The following IGFL2 variants were observed in gnomAD, a reference collection of about 807,000 sequenced individuals.
IGFL2 encodes the protein insulin growth factor-like family member 2.
Under a neutral mutation model 13.9 loss-of-function variants are expected in IGFL2, and 7 were observed. The observed-to-expected ratio is 0.51, with a 90% confidence interval of 0.29 to 0.95. The LOEUF (loss-of-function observed/expected upper bound fraction) is 0.95. Among genes scored for constraint, IGFL2 ranks in the 40% least tolerant of loss-of-function variants. The pLI is 0.08. For synonymous variants in IGFL2, 55 were observed against 55.8 expected (o/e 0.99, Z 0.07); for missense variants, 138 against 147.8 (o/e 0.93, Z 0.34).
At chr19:46,144,899 C>A (rs1455410780), upstream of IGFL2, among the ~76,000 whole-genome samples, 1 of 152,170 alleles carries the variant, frequency 6.6e-6, no homozygotes, top group East Asian at 1.9e-4. Flanking sequence ...TTGAGACCAA[C>A]TTCTTGTATC....
the IGFL2 span, chr19:46,202,621 A>C: frequency 6.6e-6 from 1 of 152,216 alleles, no homozygotes; most frequent in African/African-American, 2.4e-5. Flanking sequence ...AATGTGGGTG[A>C]ATAATCAGAC....
chr19:46,200,132 G>C, the IGFL2 span, among the ~76,000 whole-genome samples: 3 of 152,026 alleles, frequency 2.0e-5, no homozygotes, highest in Non-Finnish European at 2.9e-5. Context: ...GATTACAGGT[G>C]TGAGCCACCG....
chr19:46,194,568 TC>T, the IGFL2 span, among the ~76,000 whole-genome samples: 1 of 152,168 alleles, frequency 6.6e-6, no homozygotes, highest in Admixed American at 6.5e-5. Context: ...ACGCCTGTAA[TC>T]CCAGCACTTT....
chr19:46,126,766 T>C, the IGFL2 span, among the ~76,000 whole-genome samples: 59 of 152,296 alleles, frequency 3.9e-4, 1 homozygote, highest in Middle Eastern at 6.8e-3. Context: ...ACATGAAACA[T>C]AAGCAATCCA....
chr19:46,141,376 T>C (rs1040420128), upstream of IGFL2, among the ~76,000 whole-genome samples: 1 of 152,114 alleles, frequency 6.6e-6, no homozygotes, highest in Non-Finnish European at 1.5e-5. Flanking sequence ...CCCGGGTGTC[T>C]GGGAAGACAC....
the IGFL2 span, chr19:46,197,290 G>C: frequency 5.3e-6 from 1 of 189,856 alleles, no homozygotes. Context: ...TCACAGGTGA[G>C]GTCCTGTCTC....
At chr19:46,185,639 G>T in the IGFL2 span, among the ~76,000 whole-genome samples, 1 of 152,220 alleles carries the variant, frequency 6.6e-6, no homozygotes, top group South Asian at 2.1e-4. Context: ...CTGAAGAGAA[G>T]CCTGTTTATT....
chr19:46,096,108 G>A, the IGFL2 span, among the ~76,000 whole-genome samples: 3 of 152,044 alleles, frequency 2.0e-5, no homozygotes, highest in Non-Finnish European at 4.4e-5. Flanking sequence ...AATTACTTTG[G>A]GCAGTATGGC....
chr19:46,150,218 G>A (rs1239088777), intron 1 of IGFL2, among the ~76,000 whole-genome samples: 3 of 151,880 alleles, frequency 2.0e-5, no homozygotes, highest in Admixed American at 6.6e-5. Flanking sequence ...TTTAAATTGG[G>A]TTATTTATTT....
the IGFL2 span, among the ~76,000 whole-genome samples, chr19:46,094,466 T>A: frequency 0.013 from 2,017 of 152,250 alleles, 31 homozygotes; most frequent in Middle Eastern, 0.027. Context: ...CACCCCAATC[T>A]GTTTTTGTTG....
At chr19:46,125,980 CAAGGGGCAGCTTG>C in the IGFL2 span, among the ~76,000 whole-genome samples, 1 of 152,082 alleles carries the variant, frequency 6.6e-6, no homozygotes, top group South Asian at 2.1e-4. Context: ...ACAGAAGTGG[CAAGGGGCAGCTTG>C]AAGGGATAAT....
the IGFL2 span, among the ~76,000 whole-genome samples, chr19:46,103,628 CTT>C: frequency 2.0e-5 from 3 of 152,048 alleles, no homozygotes; most frequent in Non-Finnish European, 4.4e-5. Context: ...GGGCACGACA[CTT>C]ATGAGTAGTT....
chr19:46,148,962 C>T (rs1256368412), intron 1 of IGFL2: 1 of 1,581,528 alleles, frequency 6.3e-7, no homozygotes, highest in South Asian at 1.2e-5. Context: ...CCTGGAGTTC[C>T]TGGGCTCTCA....
chr19:46,127,070 C>G, the IGFL2 span, among the ~76,000 whole-genome samples: 6 of 152,066 alleles, frequency 3.9e-5, no homozygotes, highest in Non-Finnish European at 8.8e-5. Flanking sequence ...ATTTTCTCTC[C>G]TCAACTGTGC....
the IGFL2 span, among the ~76,000 whole-genome samples, chr19:46,103,725 T>C: frequency 6.6e-6 from 1 of 152,092 alleles, no homozygotes; most frequent in Non-Finnish European, 1.5e-5. Flanking sequence ...GAGGGGTGAA[T>C]GCGTAAAGCT....
chr19:46,161,044 A>G (rs1974142833), intron 3 of IGFL2, 26 bp from the exon 4 acceptor site: 1 of 1,582,468 alleles, frequency 6.3e-7, no homozygotes, highest in African/African-American at 1.3e-5. Flanking sequence ...GTTATTCGTA[A>G]TTTCTTGGTT....
the IGFL2 span, among the ~76,000 whole-genome samples, chr19:46,112,286 A>AAACC: frequency 1.3e-5 from 2 of 152,156 alleles, no homozygotes; most frequent in African/African-American, 4.8e-5. Flanking sequence ...ATTATGACAA[A>AAACC]AACCACCACC....
the IGFL2 span, chr19:46,196,016 G>C: frequency 2.0e-5 from 3 of 152,344 alleles, no homozygotes; most frequent in Non-Finnish European, 4.4e-5. Context: ...GGGACCGAGG[G>C]TGGAGGGAGC....
the IGFL2 span, among the ~76,000 whole-genome samples, chr19:46,094,647 A>G: frequency 3.3e-4 from 50 of 152,044 alleles, no homozygotes; most frequent in African/African-American, 1.2e-3. Context: ...TAAGCCCTGC[A>G]TGCGTTAGCT....
Sources: gnomAD v4.1 joint callset for allele counts (sites outside exome capture counted in the v4.1 genomes callset) on GRCh38, gnomAD v4.1.1 for gene constraint, MANE v1.5 for transcripts, NCBI Gene and HGNC (gene_info 2026-07-23, HGNC 2026-07-21) for gene names.